The following GHRH variants were observed in gnomAD, a reference collection of about 807,000 sequenced individuals.
The protein encoded by GHRH is growth hormone releasing hormone, also known as somatoliberin.
GHRH carries 7 observed loss-of-function variants against 15.6 expected under a neutral mutation model. That is an observed-to-expected ratio of 0.45 (90% CI 0.26 to 0.84). The LOEUF (loss-of-function observed/expected upper bound fraction) is 0.84, where lower values mean the gene tolerates loss of function less well. Ranked by LOEUF, GHRH falls within the 40% of genes least tolerant of loss-of-function variation. GHRH has a pLI of 0.18. For missense variants in GHRH, 117 were observed against 138.0 expected (o/e 0.85, Z 0.76); for synonymous variants, 54 against 50.4 (o/e 1.07, Z -0.30).
intron 1 of GHRH, among the ~76,000 whole-genome samples, chr20:37,259,182 C>T (rs1305172903): frequency 6.6e-6 from 1 of 152,246 alleles, no homozygotes; most frequent in East Asian, 1.9e-4. Context: ...ACCCCGAGGG[C>T]TGGCTGTGTA....
chr20:37,254,613 C>T (rs1297784045), intron 3 of GHRH, among the ~76,000 whole-genome samples: 1 of 152,108 alleles, frequency 6.6e-6, no homozygotes, highest in African/African-American at 2.4e-5. Flanking sequence ...TCAAAGTTAC[C>T]ATCTACCAAT....
At chr20:37,257,765 A>G (rs779231442) in intron 1 of GHRH, among the ~76,000 whole-genome samples, 25 of 152,188 alleles carry the variant, frequency 1.6e-4, no homozygotes, top group Non-Finnish European at 3.4e-4. Flanking sequence ...TTCCCCGGCC[A>G]TAAAACCAAG....
In GHRH at chr20:37,254,340, A is replaced by G; in HGVS notation, c.189-11T>C. ...TCTTGGTTGCTCTCTCTGTGTGGTTAGAAAAAGAGAACTAGTTGCTATTTG... is the reference window on the plus strand; with the variant it reads ...TCTTGGTTGCTCTCTCTGTGTGGTTGGAAAAAGAGAACTAGTTGCTATTTG... On this transcript the variant is annotated splice_polypyrimidine_tract_variant and intron_variant, in intron 3 of 4. Transcript: ENST00000373614. 6.2e-7 allele frequency: 1 copy of G among 1,614,136 alleles called. No homozygotes were observed. Among genetic ancestry groups the G allele is most frequent in the Non-Finnish European group, 8.5e-7 (1 of 1,179,962 alleles).
Position 37,258,081 on chromosome 20 carries a change from A to C in GHRH, c.-19-1173T>G, listed in dbSNP as rs1335884372. On this transcript the variant is annotated intron_variant, in intron 1 of 4. Coordinates refer to ENST00000373614, the MANE Select transcript of GHRH (RefSeq NM_021081.6). The surrounding 1 kb of genome is among the most constrained non-coding windows in gnomAD (Gnocchi z 4.1). ...CTACCCTTAATTGGGGCCTGCGGAC[A>C]GCATGCTCTGCAATTAGGGGAAAAA... 6.6e-6 allele frequency among the ~76,000 whole-genome samples: 1 copy of C among 152,246 alleles called. No individual in the cohort carries two copies. The highest frequency in any genetic ancestry group is 1.5e-5 in the Non-Finnish European group (1 of 68,050).
At chr20:37,259,007 T>G (rs2068673613) in intron 1 of GHRH, among the ~76,000 whole-genome samples, 1 of 152,106 alleles carries the variant, frequency 6.6e-6, no homozygotes, top group Non-Finnish European at 1.5e-5. Context: ...CCCAAAGAGT[T>G]GAGCTTATAG....
At chr20:37,256,758 G>T in intron 2 of GHRH, 49 bp downstream of exon 2, 1 of 1,442,066 alleles carries the variant, frequency 6.9e-7, no homozygotes, top group Non-Finnish European at 9.7e-7. Flanking sequence ...CCTGCCCCAT[G>T]GCAGGGATGG....
chr20:37,261,269 G>C (rs991302121), intron 1 of GHRH, among the ~76,000 whole-genome samples: 6 of 152,190 alleles, frequency 3.9e-5, no homozygotes, highest in African/African-American at 7.2e-5. Context: ...CTGGAGTAAA[G>C]AGTGTGGCTG....
chr20:37,257,883 C>G (rs984174318), intron 1 of GHRH, among the ~76,000 whole-genome samples: 1 of 152,232 alleles, frequency 6.6e-6, no homozygotes. Context: ...CTAAGACCAA[C>G]CCTCTCAGAG....
At chr20:37,257,107 C>T (rs1286955995) in intron 1 of GHRH, among the ~76,000 whole-genome samples, 199 bp from the exon 2 acceptor site, 1 of 152,222 alleles carries the variant, frequency 6.6e-6, no homozygotes, top group Non-Finnish European at 1.5e-5. Context: ...CCTGCTCTGA[C>T]TTCATTTTCT....
Position 37,251,677 on chromosome 20 carries a change from A to C in GHRH, c.309-446T>G, listed in dbSNP as rs2068622210. Among the ~76,000 whole-genome samples the C allele has an allele frequency of 2.0e-5, 3 of 152,322 alleles. No homozygotes were observed. The South Asian group carries it at 6.2e-4, about 32-fold the overall frequency. ...CTGTACCCTGCTATGCCTCTGGTCCAGAGTGTGGCATGTCATAGTCACTGG... is the reference window on the plus strand; with the variant it reads ...CTGTACCCTGCTATGCCTCTGGTCCCGAGTGTGGCATGTCATAGTCACTGG... On this transcript the variant is annotated intron_variant, in intron 4 of 4. Coordinates refer to ENST00000373614, the MANE Select transcript of GHRH (RefSeq NM_021081.6).
intron 1 of GHRH, among the ~76,000 whole-genome samples, chr20:37,259,931 C>A (rs1260454788): frequency 6.6e-6 from 1 of 152,198 alleles, no homozygotes; most frequent in African/African-American, 2.4e-5. Context: ...GCCTCCATCA[C>A]CTGCACGTGG....
chr20:37,252,437 C>A (rs1416063484), intron 4 of GHRH, among the ~76,000 whole-genome samples: 1 of 152,182 alleles, frequency 6.6e-6, no homozygotes, highest in African/African-American at 2.4e-5. Context: ...AAGTGCCCAG[C>A]AGAGCCACAC....
At chr20:37,251,633 A>G (rs2068621917) in intron 4 of GHRH, among the ~76,000 whole-genome samples, 1 of 152,154 alleles carries the variant, frequency 6.6e-6, no homozygotes. Flanking sequence ...ATTCCATGAG[A>G]GCAGGGGTCG....
At chr20:37,253,804 G>A (rs1212721091) in intron 4 of GHRH, among the ~76,000 whole-genome samples, 1 of 152,182 alleles carries the variant, frequency 6.6e-6, no homozygotes, top group Non-Finnish European at 1.5e-5. Context: ...AGGCTGGAGT[G>A]TAATGGTGCG....
chr20:37,255,386 C>T (rs552874471), intron 3 of GHRH, among the ~76,000 whole-genome samples: 107 of 152,140 alleles, frequency 7.0e-4, no homozygotes, highest in African/African-American at 2.0e-3. Context: ...TGGGCCAGGG[C>T]GCAATGGCTC....
intron 4 of GHRH, among the ~76,000 whole-genome samples, chr20:37,253,039 A>T (rs1016253425): frequency 2.6e-5 from 4 of 152,202 alleles, no homozygotes; most frequent in African/African-American, 4.8e-5. Flanking sequence ...TCTCAACAAC[A>T]ACAACAAATC....
intron 4 of GHRH, among the ~76,000 whole-genome samples, chr20:37,252,024 A>G (rs2068624050): frequency 1.3e-5 from 2 of 152,188 alleles, no homozygotes; most frequent in Non-Finnish European, 2.9e-5. Context: ...TTAGCCCTCC[A>G]TGGAGCCATC....
intron 4 of GHRH, among the ~76,000 whole-genome samples, chr20:37,253,044 C>A (rs532118458): frequency 2.6e-5 from 4 of 152,290 alleles, no homozygotes; most frequent in South Asian, 4.1e-4. Flanking sequence ...ACAACAACAA[C>A]AAATCAGGCT....
Position 37,256,827 on chromosome 20 carries a change from T to TG in GHRH, c.62dup (p.Pro22ThrfsTer107). 2 of 1,611,442 alleles carry TG rather than the reference T, an allele frequency of 1.2e-6. No homozygotes were observed. Among genetic ancestry groups the TG allele is most frequent in the Non-Finnish European group, 1.7e-6 (2 of 1,179,094 alleles). Reference sequence around the variant, plus strand: ...CTTACCTGAGGGTCAAAGGGGGAGGTGGGGAGCAGTGGGAGCTGTTGCTGA... The same window carrying TG: ...CTTACCTGAGGGTCAAAGGGGGAGGTGGGGGAGCAGTGGGAGCTGTTGCTGA... On this transcript the variant is annotated frameshift_variant, in exon 2 of 5. Coordinates refer to ENST00000373614, the MANE Select transcript of GHRH (RefSeq NM_021081.6). LOFTEE classifies it high-confidence loss of function.
Sources: gnomAD v4.1 joint callset for allele counts (sites outside exome capture counted in the v4.1 genomes callset) on GRCh38, gnomAD v4.1.1 for gene constraint, Gnocchi (gnomAD v3.1) non-coding constraint, MANE v1.5 for transcripts, NCBI Gene and HGNC (gene_info 2026-07-23, HGNC 2026-07-21) for gene names.